DGCR8: variants seen among roughly 807,000 people sequenced by gnomAD.
DGCR8 encodes microprocessor complex subunit DGCR8.
A neutral mutation model predicts 78.5 loss-of-function variants in DGCR8; 14 were observed. That is an observed-to-expected ratio of 0.18 (90% CI 0.12 to 0.28). The LOEUF is 0.28. Among genes scored for constraint, DGCR8 ranks in the 10% least tolerant of loss-of-function variants. The pLI is 1.00. For missense variants in DGCR8, 702 were observed against 1,022.5 expected, an observed-to-expected ratio of 0.69 and a Z score of 4.28; for synonymous variants, 399 against 402.4, an observed-to-expected ratio of 0.99 and a Z score of 0.10.
rs1170535111 is a variant in DGCR8, at chr22:20,111,711, C to A, written c.*1603C>A. ...TACTCTTGTGGTCTCTGTGCGCCCC[C>A]CCCCCCCCCCCACCCGTCTGCCAAG... On this transcript the variant is annotated 3_prime_UTR_variant, in exon 14 of 14. Coordinates refer to ENST00000351989, the MANE Select transcript of DGCR8 (RefSeq NM_022720.7). 7.8e-5 allele frequency: 10 copies of A among 127,774 alleles called. No individual in the cohort carries two copies. The highest frequency in any genetic ancestry group is 2.6e-4 in the African/African-American group (4 of 15,162). The allele number at this position is 127,774 out of a possible 1,614,324, so 7.9% of individuals were successfully genotyped here.
In DGCR8 at chr22:20,086,541, G is replaced by A; in HGVS notation, c.578G>A (p.Arg193Lys). The change falls in exon 2 of 14, where the codon AGA becomes AAA. Residue 193 changes from arginine (R) to lysine (K), a missense_variant. This residue lies in a region of DGCR8 where 356 missense variants were observed against 448.9 expected (regional missense o/e 0.79). Coordinates refer to ENST00000351989, the MANE Select transcript of DGCR8 (RefSeq NM_022720.7). The surrounding 1 kb of genome is among the most constrained non-coding windows in gnomAD (Gnocchi z 6.4). ...GAGAATGAGCTGGATCAGGAAAAGAGAGTGGAGTATGCAGTGCTCGATGAG... is the reference window on the plus strand; with the variant it reads ...GAGAATGAGCTGGATCAGGAAAAGAAAGTGGAGTATGCAGTGCTCGATGAG... ...DEENELDQEK[R>K]VEYAVLDELE... 1 of 1,614,064 alleles carries A rather than the reference G, an allele frequency of 6.2e-7. No individual in the cohort carries two copies. The highest frequency in any genetic ancestry group is 8.5e-7 in the Non-Finnish European group (1 of 1,180,020).
chr22:20,090,862 A>G (rs1047447105), intron 5 of DGCR8, among the ~76,000 whole-genome samples: 7 of 152,046 alleles, frequency 4.6e-5, no homozygotes, highest in South Asian at 2.1e-4. Flanking sequence ...CTAGGTTTCT[A>G]TTTGTCTGTA....
chr22:20,103,688 CTGAG>C, intron 9 of DGCR8, among the ~76,000 whole-genome samples: 1 of 152,286 alleles, frequency 6.6e-6, no homozygotes, highest in South Asian at 2.1e-4. Context: ...AGCCCTCCTC[CTGAG>C]TTTTTCAGAA....
rs199716116 is a variant in DGCR8 at position 20,090,095 on chromosome 22, C to A, written c.1143C>A (p.Pro381=). 2.5e-6 allele frequency: 4 copies of A among 1,614,144 alleles called. No individual in the cohort carries two copies. The highest frequency in any genetic ancestry group is 1.7e-5 in the Admixed American group (1 of 60,008). Reference sequence around the variant, plus strand: ...GTGGGGATGTGTCCCCCGTCAAGCCCCTGAGCCGATCTGCAGAGCTGGAGT... The same window carrying A: ...GTGGGGATGTGTCCCCCGTCAAGCCACTGAGCCGATCTGCAGAGCTGGAGT... ...TPSGDVSPVK[P]LSRSAELEFP... Residue 381 remains proline (P), a synonymous_variant, in exon 5 of 14, where the codon CCC becomes CCA. Coordinates refer to ENST00000351989, the MANE Select transcript of DGCR8 (RefSeq NM_022720.7).
chr22:20,101,459 T>C, intron 9 of DGCR8: 1 of 694,842 alleles, frequency 1.4e-6, no homozygotes, highest in Non-Finnish European at 1.8e-6. Context: ...GCGCCTGCAG[T>C]CCCAGCTACT....
chr22:20,085,040 C>G lies in DGCR8; in HGVS notation c.-277-647C>G, dbSNP rs2049463771. Reference sequence around the variant, plus strand: ...TCCCCACCCCAAATCCTGGCAGGTCCCTTCCCCACAGCCACCCACCCCTCT... The same window carrying G: ...TCCCCACCCCAAATCCTGGCAGGTCGCTTCCCCACAGCCACCCACCCCTCT... On this transcript the variant is annotated intron_variant, in intron 1 of 13. Transcript: ENST00000351989. The surrounding 1 kb of genome is among the most constrained non-coding windows in gnomAD (Gnocchi z 6.2). 1 of 985,386 alleles carries G rather than the reference C, an allele frequency of 1.0e-6. No individual in the cohort carries two copies. Among genetic ancestry groups the G allele is most frequent in the Non-Finnish European group, 1.2e-6 (1 of 829,896 alleles). The allele number at this position is 985,386 out of a possible 1,614,324, so 61.0% of individuals were successfully genotyped here.
chr22:20,106,723 G>C, intron 11 of DGCR8, 25 bp downstream of exon 11: 1 of 1,555,854 alleles, frequency 6.4e-7, no homozygotes, highest in Non-Finnish European at 8.9e-7. Context: ...TCTGCTGCCT[G>C]GTGGCCGCTG....
chr22:20,093,020 GTTTA>G (rs1203675397), intron 8 of DGCR8, 113 bp downstream of exon 8: 1 of 700,308 alleles, frequency 1.4e-6, no homozygotes, highest in African/African-American at 1.8e-5. Flanking sequence ...GGTGGGGCAT[GTTTA>G]TTTTATTTAT....
Position 20,086,002 on chromosome 22 carries a change from G to T in DGCR8, c.39G>T (p.Gly13=). The T allele has an allele frequency of 6.2e-7, 1 of 1,609,662 alleles. No individual in the cohort carries two copies. Residue 13 remains glycine, a synonymous_variant, in exon 2 of 14, where the codon GGG becomes GGT. Transcript: ENST00000351989. This position sits in a 1 kb window ranked among gnomAD's most constrained non-coding sequence, Gnocchi z 6.4. Reference sequence around the variant, plus strand: ...AGAGCCCCTCTCCGCTCCCGTGTGGGCCCGCAGGAGAAGCGGTGATGGAGA... The same window carrying T: ...AGAGCCCCTCTCCGCTCCCGTGTGGTCCCGCAGGAGAAGCGGTGATGGAGA... ...TDESPSPLPC[G]PAGEAVMESR...
intron 1 of DGCR8, among the ~76,000 whole-genome samples, chr22:20,083,433 C>A (rs76889809): frequency 0.041 from 6,251 of 151,542 alleles, 174 homozygotes; most frequent in South Asian, 0.094. Flanking sequence ...CAGGACTGCC[C>A]ACCACTGAGG....
At chr22:20,100,682 G>A (rs139333527) in intron 9 of DGCR8, 14 of 985,420 alleles carry the variant, frequency 1.4e-5, no homozygotes, top group Non-Finnish European at 1.6e-5. Context: ...GAGAGGCTTT[G>A]CAGAAACCAC....
intron 7 of DGCR8, among the ~76,000 whole-genome samples, chr22:20,092,402 C>G (rs1438431816): frequency 6.6e-6 from 1 of 152,222 alleles, no homozygotes; most frequent in Non-Finnish European, 1.5e-5. Flanking sequence ...GAAGACCAGT[C>G]TGTCTTCCCC....
rs759232124 is a variant in DGCR8 at position 20,110,495 on chromosome 22, GA to G, written c.*388del. Reference sequence around the variant, plus strand: ...GATGCTTGGATGACAGATGAGAGGGGATGGCTGAGTCCTGTGGCTGGCCCGT... The same window carrying G: ...GATGCTTGGATGACAGATGAGAGGGGTGGCTGAGTCCTGTGGCTGGCCCGT... On this transcript the variant is annotated 3_prime_UTR_variant, in exon 14 of 14. Transcript: ENST00000351989. 3.4e-5 allele frequency: 6 copies of G among 174,758 alleles called. 1 individual carries two copies. The South Asian group carries it at 6.4e-4, about 19-fold the overall frequency. 10.8% of individuals were successfully genotyped at this position (174,758 alleles called of 1,614,324 possible). A position where few individuals can be genotyped will look rare whatever the true frequency, so the allele number is the denominator to read the frequency against.
At position 20,087,180 on chromosome 22, in the gene DGCR8, G is replaced by C; in HGVS notation, c.739G>C (p.Val247Leu). ...TTTGCAGGATGACTTTGACAACGAT[G>C]TGGATGCTCTGCTGGAAGAAGGCCT... ...FPYEDDFDND[V>L]DALLEEGLCA... The change falls in exon 3 of 14, where the codon GTG (valine) becomes CTG (leucine). Residue 247 changes from valine (V) to leucine (L), a missense_variant. By Grantham distance (32) the Val-to-Leu change is conservative. Coordinates refer to ENST00000351989, the MANE Select transcript of DGCR8 (RefSeq NM_022720.7). This position sits in a 1 kb window ranked among gnomAD's most constrained non-coding sequence, Gnocchi z 4.1. 1 of 1,612,374 alleles carries C rather than the reference G, an allele frequency of 6.2e-7. No individual in the cohort carries two copies. The highest frequency in any genetic ancestry group is 8.5e-7 in the Non-Finnish European group (1 of 1,178,816).
In DGCR8 at chr22:20,107,402, A is replaced by ACTGGCCAT; in HGVS notation, c.2124+6_2124+13dup. On this transcript the variant is annotated splice_donor_region_variant and intron_variant, in intron 12 of 13. Transcript: ENST00000351989. ...GAGCAGCAAGATGGTCAAGCAGGTAACTGGCCATCAGCAGGTCCCAGGGCA... is the reference window on the plus strand; with the variant it reads ...GAGCAGCAAGATGGTCAAGCAGGTAACTGGCCATCTGGCCATCAGCAGGTCCCAGGGCA... 6.2e-7 allele frequency: 1 copy of ACTGGCCAT among 1,613,964 alleles called. No individual in the cohort carries two copies.
chr22:20,102,887 C>T (rs553666091), intron 9 of DGCR8, among the ~76,000 whole-genome samples: 2 of 152,254 alleles, frequency 1.3e-5, no homozygotes, highest in South Asian at 2.1e-4. Flanking sequence ...AATCCCAGCA[C>T]TTTGGGAGGC....
Position 20,110,177 on chromosome 22 carries a change from C to CG in DGCR8, c.*70dup. The CG allele has an allele frequency of 1.3e-6, 2 of 1,499,230 alleles. No individual in the cohort carries two copies. Among genetic ancestry groups the CG allele is most frequent in the Non-Finnish European group, 1.8e-6 (2 of 1,092,676 alleles). The allele number at this position is 1,499,230 out of a possible 1,614,324, so 92.9% of individuals were successfully genotyped here. ...TCTGAGGAGACCAGCAGTCATGCAT[C>CG]GTGCACCACAGTGTCAGGCCTCCAA... On this transcript the variant is annotated 3_prime_UTR_variant, in exon 14 of 14. Coordinates refer to ENST00000351989, the MANE Select transcript of DGCR8 (RefSeq NM_022720.7).
intron 12 of DGCR8, 86 bp from the exon 13 acceptor site, chr22:20,108,804 G>C: frequency 3.5e-6 from 1 of 288,722 alleles, no homozygotes; most frequent in African/African-American, 4.0e-5. Context: ...CCTGCCTTCA[G>C]GGTCCCAGGC....
chr22:20,103,086 C>A (rs1016513673), intron 9 of DGCR8, among the ~76,000 whole-genome samples: 1 of 151,278 alleles, frequency 6.6e-6, no homozygotes, highest in Admixed American at 6.6e-5. Context: ...GGCAGTGAGC[C>A]GAGATTGTGC....
Sources: allele counts gnomAD v4.1 joint callset (sites outside exome capture counted in the v4.1 genomes callset), GRCh38; gene constraint gnomAD v4.1.1; regional missense constraint gnomAD v4.1.1; non-coding constraint Gnocchi (gnomAD v3.1); transcripts MANE v1.5; gene names NCBI Gene and HGNC (gene_info 2026-07-23, HGNC 2026-07-21).